IL1RAPL1: variants seen among roughly 807,000 people sequenced by gnomAD.
IL1RAPL1 encodes the protein interleukin-1 receptor accessory protein-like 1.
IL1RAPL1 carries 3 observed loss-of-function variants against 48.4 expected under a neutral mutation model. The ratio of observed to expected loss-of-function variants is 0.06; its 90% confidence interval spans 0.03 to 0.16. The LOEUF (loss-of-function observed/expected upper bound fraction) is 0.16. Among genes scored for constraint, IL1RAPL1 ranks in the 10% least tolerant of loss-of-function variants. The probability of loss-of-function intolerance (pLI) is 1.00; values close to 1 mark genes in which losing one functional copy is unlikely to be tolerated. For missense variants in IL1RAPL1, 349 were observed against 530.6 expected, an observed-to-expected ratio of 0.66 and a Z score of 3.36; for synonymous variants, 185 against 187.7, an observed-to-expected ratio of 0.99 and a Z score of 0.12.
chrX:29,922,578 G>C (rs1932856070), intron 8 of IL1RAPL1, among the ~76,000 whole-genome samples: 1 of 111,557 alleles, frequency 9.0e-6, no homozygotes, highest in African/African-American at 3.3e-5. Context: ...TGATTATATG[G>C]AATGATCTAT....
chrX:29,490,501 C>T (rs1472314201), intron 5 of IL1RAPL1, among the ~76,000 whole-genome samples: 1 of 111,001 alleles, frequency 9.0e-6, no homozygotes, highest in South Asian at 3.8e-4. Context: ...CCACTGCACT[C>T]CAACCTGGGT....
intron 6 of IL1RAPL1, among the ~76,000 whole-genome samples, chrX:29,771,748 G>A (rs1306133621): frequency 9.0e-6 from 1 of 111,487 alleles, no homozygotes; most frequent in Non-Finnish European, 1.9e-5. Flanking sequence ...AAAGTGTCAA[G>A]AACCAGGTAT....
intron 2 of IL1RAPL1, among the ~76,000 whole-genome samples, chrX:29,268,101 C>T (rs1054164997): frequency 1.8e-5 from 2 of 111,257 alleles, no homozygotes; most frequent in African/African-American, 6.5e-5. Context: ...ATTATGAGGA[C>T]AGTGATGTAC....
At chrX:28,821,592 C>A (rs930340648) in intron 2 of IL1RAPL1, among the ~76,000 whole-genome samples, 1 of 111,296 alleles carries the variant, frequency 9.0e-6, no homozygotes, top group Non-Finnish European at 1.9e-5. Context: ...AGTCATTTTG[C>A]CTAGACAAAA....
At chrX:29,691,868 C>A (rs1384908019) in intron 6 of IL1RAPL1, among the ~76,000 whole-genome samples, 1 of 110,037 alleles carries the variant, frequency 9.1e-6, no homozygotes, top group African/African-American at 3.3e-5. Flanking sequence ...CTCTAAGAAA[C>A]ACTACAATCA....
At chrX:28,956,822 G>A (rs1384268424) in intron 2 of IL1RAPL1, among the ~76,000 whole-genome samples, 1 of 107,167 alleles carries the variant, frequency 9.3e-6, no homozygotes, top group African/African-American at 3.4e-5. Context: ...GATTGGAATA[G>A]TTTCAGAAGG....
At chrX:29,779,765 T>C (rs1224684000) in intron 6 of IL1RAPL1, among the ~76,000 whole-genome samples, 1 of 111,758 alleles carries the variant, frequency 8.9e-6, no homozygotes, top group African/African-American at 3.2e-5. Context: ...TCAGTCAAAA[T>C]GAAAGGAAGT....
At chrX:29,307,220 G>A (rs1462656657) in intron 3 of IL1RAPL1, among the ~76,000 whole-genome samples, 4 of 111,931 alleles carry the variant, frequency 3.6e-5, no homozygotes, top group East Asian at 5.6e-4. Flanking sequence ...TAATGATGCC[G>A]CATATGTTTT....
rs183250278 is a variant in IL1RAPL1, at chrX:29,905,881, A to G, written c.779-11583A>G. On this transcript the variant is annotated intron_variant, in intron 6 of 10. Transcript: ENST00000378993. ...ACCAAGCAGATGTTATGACCAGTTC[A>G]AAGGAAATATCAAAGCAGCAGATTT... Among the ~76,000 whole-genome samples the G allele has an allele frequency of 1.3e-3, 140 of 111,614 alleles. 1 individual carries two copies. Among genetic ancestry groups the G allele is most frequent in the Non-Finnish European group, 4.3e-4 (23 of 53,195 alleles).
At chrX:28,897,257 G>A (rs752581614) in intron 2 of IL1RAPL1, among the ~76,000 whole-genome samples, 7 of 111,299 alleles carry the variant, frequency 6.3e-5, no homozygotes, top group Non-Finnish European at 1.3e-4. Context: ...TGTACTTGCC[G>A]CTAAGGGTGA....
chrX:28,864,750 G>A (rs1280325314), intron 2 of IL1RAPL1, among the ~76,000 whole-genome samples: 2 of 111,640 alleles, frequency 1.8e-5, no homozygotes, highest in Non-Finnish European at 3.8e-5. Context: ...AATAAAGTCA[G>A]TGATCATTTA....
chrX:28,668,007 C>T (rs1461216545), intron 1 of IL1RAPL1, among the ~76,000 whole-genome samples: 1 of 112,034 alleles, frequency 8.9e-6, no homozygotes, highest in East Asian at 2.8e-4. Context: ...AGATCACAGC[C>T]TTCAGCGGTG....
intron 3 of IL1RAPL1, among the ~76,000 whole-genome samples, chrX:29,338,680 T>A (rs1162439009): frequency 1.8e-5 from 2 of 111,124 alleles, no homozygotes; most frequent in East Asian, 5.7e-4. Context: ...TTTCTCTCTC[T>A]CTGTGTCACT....
At chrX:29,894,479 A>ACT (rs1304866691) in intron 6 of IL1RAPL1, among the ~76,000 whole-genome samples, 17 of 112,225 alleles carry the variant, frequency 1.5e-4, no homozygotes, top group Admixed American at 5.7e-4. Flanking sequence ...GCCCTTTACT[A>ACT]CTTTATTTTC....
At chrX:29,638,597 T>G (rs1925052371) in intron 5 of IL1RAPL1, among the ~76,000 whole-genome samples, 1 of 112,039 alleles carries the variant, frequency 8.9e-6, no homozygotes, top group African/African-American at 3.2e-5. Context: ...TATCAGAGTT[T>G]GTTCAGTTGA....
At chrX:29,727,022 G>C (rs1207444664) in intron 6 of IL1RAPL1, among the ~76,000 whole-genome samples, 1 of 111,527 alleles carries the variant, frequency 9.0e-6, no homozygotes, top group African/African-American at 3.3e-5. Flanking sequence ...ACAGTGCTTT[G>C]CAGTGCTGTG....
chrX:29,945,856 TTC>T (rs996366702), intron 9 of IL1RAPL1, among the ~76,000 whole-genome samples: 1 of 111,716 alleles, frequency 9.0e-6, no homozygotes, highest in Non-Finnish European at 1.9e-5. Flanking sequence ...ATTGATGCTT[TTC>T]TCTCTCAGTT....
intron 2 of IL1RAPL1, among the ~76,000 whole-genome samples, chrX:28,807,886 T>C (rs1030182343): frequency 2.7e-5 from 3 of 110,677 alleles, no homozygotes; most frequent in African/African-American, 6.6e-5. Context: ...GTTCTAGTGA[T>C]GACTGATGAC....
At chrX:28,968,135 A>G (rs746507849) in intron 2 of IL1RAPL1, among the ~76,000 whole-genome samples, 2 of 112,002 alleles carry the variant, frequency 1.8e-5, no homozygotes, top group African/African-American at 3.2e-5. Context: ...GATCTCCTTT[A>G]TAAAATGTAA....
Sources: gnomAD v4.1 joint callset for allele counts (sites outside exome capture counted in the v4.1 genomes callset) on GRCh38, gnomAD v4.1.1 for gene constraint, MANE v1.5 for transcripts, NCBI Gene and HGNC (gene_info 2026-07-23, HGNC 2026-07-21) for gene names.